The following CTNNA2 variants were observed in gnomAD, a reference collection of about 807,000 sequenced individuals.
CTNNA2 encodes the protein catenin alpha 2, also known as catenin alpha-2.
In CTNNA2, 42 loss-of-function variants were observed where a neutral mutation model predicts 101.0. That is an observed-to-expected ratio of 0.42 (90% confidence interval 0.32 to 0.54). The LOEUF (loss-of-function observed/expected upper bound fraction) is 0.54. CTNNA2 is among the 20% of genes least tolerant of loss of function. The probability of loss-of-function intolerance (pLI) is 0.14; values close to 1 mark genes in which losing one functional copy is unlikely to be tolerated. For missense variants in CTNNA2, 871 were observed against 1,223.1 expected, an observed-to-expected ratio of 0.71 and a Z score of 4.29; for synonymous variants, 450 against 456.4, an observed-to-expected ratio of 0.99 and a Z score of 0.18.
intron 1 of CTNNA2, among the ~76,000 whole-genome samples, chr2:79,570,644 G>T (rs781607934): frequency 6.6e-6 from 1 of 151,954 alleles, no homozygotes; most frequent in African/African-American, 2.4e-5. Context: ...TTTATTGGGG[G>T]TATTCAGAAA....
chr2:79,842,202 C>T (rs1679871968), intron 3 of CTNNA2, among the ~76,000 whole-genome samples: 2 of 152,106 alleles, frequency 1.3e-5, no homozygotes, highest in African/African-American at 4.8e-5. Context: ...TTTTTGTTGG[C>T]ATATAACCAT....
chr2:79,240,624 G>T (rs538142788), intron 2 of CTNNA2, among the ~76,000 whole-genome samples: 4 of 152,194 alleles, frequency 2.6e-5, no homozygotes, highest in Non-Finnish European at 5.9e-5. Context: ...ATAAATATGT[G>T]ATAAAATCTC....
intron 2 of CTNNA2, among the ~76,000 whole-genome samples, chr2:79,221,223 A>G (rs1674341371): frequency 6.6e-6 from 1 of 152,188 alleles, no homozygotes; most frequent in East Asian, 1.9e-4. Flanking sequence ...AACACTGCTC[A>G]CTGCTGCAGC....
chr2:79,211,024 A>T (rs1674165553), intron 2 of CTNNA2, among the ~76,000 whole-genome samples: 1 of 152,158 alleles, frequency 6.6e-6, no homozygotes, highest in Non-Finnish European at 1.5e-5. Flanking sequence ...TCTACCTGAA[A>T]CTTCCCAAAT....
chr2:80,618,021 G>A (rs1698996243), intron 17 of CTNNA2, among the ~76,000 whole-genome samples: 1 of 151,750 alleles, frequency 6.6e-6, no homozygotes, highest in Non-Finnish European at 1.5e-5. Context: ...GTTTCAGGAT[G>A]TGCCTGCTCT....
chr2:80,388,787 A>C (rs190652670), intron 7 of CTNNA2, among the ~76,000 whole-genome samples: 4 of 152,326 alleles, frequency 2.6e-5, no homozygotes, highest in Admixed American at 1.3e-4. Context: ...CAGTTTGTTA[A>C]AGTATGCTTA....
intron 2 of CTNNA2, among the ~76,000 whole-genome samples, chr2:79,206,050 T>G (rs1447157658): frequency 6.6e-6 from 1 of 152,194 alleles, no homozygotes; most frequent in African/African-American, 2.4e-5. Context: ...GTCATTAAAT[T>G]GTAAAAATAG....
chr2:80,146,267 A>T (rs11686939), intron 7 of CTNNA2, among the ~76,000 whole-genome samples: 1 of 151,938 alleles, frequency 6.6e-6, no homozygotes. Flanking sequence ...TCCCTGGCGA[A>T]CTCTGCCAAA....
chr2:80,391,662 G>C (rs1677530497), intron 7 of CTNNA2, among the ~76,000 whole-genome samples: 1 of 152,198 alleles, frequency 6.6e-6, no homozygotes, highest in South Asian at 2.1e-4. Context: ...ATTTGTGGCA[G>C]ATCTGAACTT....
intron 3 of CTNNA2, among the ~76,000 whole-genome samples, chr2:79,815,702 C>CA (rs1677435660): frequency 6.6e-6 from 1 of 152,098 alleles, no homozygotes; most frequent in Non-Finnish European, 1.5e-5. Flanking sequence ...GTGATGCCTC[C>CA]AGGTTTGTTC....
chr2:80,142,227 G>A (rs1703058397), intron 7 of CTNNA2, among the ~76,000 whole-genome samples: 1 of 152,156 alleles, frequency 6.6e-6, no homozygotes, highest in Non-Finnish European at 1.5e-5. Flanking sequence ...GACTTTGCCT[G>A]TAATGTCTGC....
At chr2:79,962,673 C>T (rs76423007) in intron 7 of CTNNA2, among the ~76,000 whole-genome samples, 1,716 of 152,226 alleles carry the variant, frequency 0.011, 76 homozygotes, top group Admixed American at 0.078. Flanking sequence ...TGCTAAGTTC[C>T]GACTGGTAGG....
Position 80,488,930 on chromosome 2 carries a change from C to T in CTNNA2, c.1291-56052C>T, listed in dbSNP as rs72823713. Among the ~76,000 whole-genome samples, 2,627 of 151,946 alleles carry T rather than the reference C, an allele frequency of 0.017. 117 individuals are homozygous for T. The East Asian group carries it at 0.19, about 11-fold the overall frequency. On this transcript the variant is annotated intron_variant, in intron 9 of 18. Transcript: ENST00000402739. Reference sequence around the variant, plus strand: ...ATACACATATACACACGTGTGCCCACACACACACACAGCATGGTACATTAT... The same window carrying T: ...ATACACATATACACACGTGTGCCCATACACACACACAGCATGGTACATTAT...
intron 1 of CTNNA2, among the ~76,000 whole-genome samples, chr2:79,586,728 A>G (rs1676516940): frequency 1.3e-5 from 2 of 151,994 alleles, no homozygotes; most frequent in South Asian, 4.2e-4. Flanking sequence ...TTACATGAAC[A>G]AGTTCTTTAG....
chr2:79,966,652 A>T (rs1011896658), intron 7 of CTNNA2, among the ~76,000 whole-genome samples: 3 of 152,204 alleles, frequency 2.0e-5, no homozygotes, highest in African/African-American at 7.2e-5. Flanking sequence ...AAGGCAGCCA[A>T]TGAAGAGATA....
chr2:80,166,604 C>T (rs1460055409), intron 7 of CTNNA2, among the ~76,000 whole-genome samples: 3 of 152,226 alleles, frequency 2.0e-5, no homozygotes, highest in South Asian at 2.1e-4. Flanking sequence ...TTCTGCATTC[C>T]GTGAGTTATT....
chr2:79,281,421 C>G (rs537139462), intron 2 of CTNNA2: 1 of 152,152 alleles, frequency 6.6e-6, no homozygotes, highest in African/African-American at 2.4e-5. Flanking sequence ...CTGAGCTGAC[C>G]TATATACTCA....
At chr2:79,429,633 C>T (rs574017800) in intron 4 of CTNNA2, among the ~76,000 whole-genome samples, 19 of 152,158 alleles carry the variant, frequency 1.2e-4, no homozygotes, top group African/African-American at 4.6e-4. Context: ...ATGAAACTAT[C>T]CTTGTAAAAC....
intron 9 of CTNNA2, among the ~76,000 whole-genome samples, chr2:80,460,998 T>C (rs1684377099): frequency 6.6e-6 from 1 of 152,226 alleles, no homozygotes; most frequent in Admixed American, 6.5e-5. Flanking sequence ...GAGAAGACTT[T>C]CTAACCGCTT....
Sources: gnomAD v4.1 joint callset for allele counts (sites outside exome capture counted in the v4.1 genomes callset) on GRCh38, gnomAD v4.1.1 for gene constraint, MANE v1.5 for transcripts, NCBI Gene and HGNC (gene_info 2026-07-23, HGNC 2026-07-21) for gene names.